Variants in PLA2G12A observed in about 807,000 individuals in gnomAD.
The protein encoded by PLA2G12A is group XIIA secretory phospholipase A2.
PLA2G12A carries 11 observed loss-of-function variants against 16.0 expected under a neutral mutation model. The observed-to-expected ratio is 0.69, with a 90% CI of 0.43 to 1.13. The LOEUF is 1.13. Ranked by LOEUF, PLA2G12A falls within the 50% of genes most tolerant of loss-of-function variation. PLA2G12A has a pLI of 0.00. For missense variants in PLA2G12A, 214 were observed against 237.3 expected (o/e 0.90, Z 0.65); for synonymous variants, 77 against 93.8 (o/e 0.82, Z 1.03).
At chr4:109,724,974 A>C (rs926096436) in intron 1 of PLA2G12A, among the ~76,000 whole-genome samples, 2 of 152,252 alleles carry the variant, frequency 1.3e-5, no homozygotes, top group African/African-American at 4.8e-5. Context: ...AGTTTTTTTC[A>C]AGGCAAACTC....
chr4:109,717,855 T>G lies in PLA2G12A; in HGVS notation c.286-142A>C, dbSNP rs1730855642. 3.9e-5 allele frequency: 33 copies of G among 852,840 alleles called. 3 individuals carry two copies. In the South Asian group the frequency reaches 5.8e-4, roughly 15 times the overall value. 52.8% of individuals were successfully genotyped at this position (852,840 alleles called of 1,614,324 possible). A position where few individuals can be genotyped will look rare whatever the true frequency, so the allele number is the denominator to read the frequency against. On this transcript the variant is annotated intron_variant, in intron 2 of 3. Transcript: ENST00000243501. ...AAATCCATTTCTGCCTACAAATATT[T>G]TCTGTGTTATAAATCTCCCCATTAC...
chr4:109,729,093 C>A (rs1203509294), intron 1 of PLA2G12A, among the ~76,000 whole-genome samples: 1 of 152,098 alleles, frequency 6.6e-6, no homozygotes, highest in Non-Finnish European at 1.5e-5. Flanking sequence ...TCTCAACACT[C>A]GAGTACACCA....
intron 1 of PLA2G12A, 22 bp downstream of exon 1, chr4:109,729,580 C>A (rs779732553): frequency 1.0e-4 from 160 of 1,600,084 alleles, no homozygotes; most frequent in Non-Finnish European, 5.8e-5. Context: ...CGAGCCCTCG[C>A]TGGGCCCGGG....
chr4:109,721,768 T>A (rs777735997), intron 1 of PLA2G12A, among the ~76,000 whole-genome samples: 1 of 152,216 alleles, frequency 6.6e-6, no homozygotes, highest in Non-Finnish European at 1.5e-5. Flanking sequence ...CTGTTTTCAG[T>A]TAACAGTAAT....
rs955398456 is a variant in PLA2G12A at position 109,729,944 on chromosome 4, C to G, written c.-135G>C. On this transcript the variant is annotated 5_prime_UTR_variant, in exon 1 of 4. Coordinates refer to ENST00000243501, the MANE Select transcript of PLA2G12A (RefSeq NM_030821.5). ...CAGCTCCATATCCACGCCTCCTTCC[C>G]GGCTGGCCCTCAGGATCTCGCTGTC... is the stretch of plus-strand genomic sequence containing the variant. 4.2e-6 allele frequency: 3 copies of G among 706,894 alleles called. No individual in the cohort carries two copies. The highest frequency in any genetic ancestry group is 3.1e-5 in the East Asian group (1 of 32,210). The allele number at this position is 706,894 out of a possible 1,614,324, so 43.8% of individuals were successfully genotyped here. A position where few individuals can be genotyped will look rare whatever the true frequency, so the allele number is the denominator to read the frequency against.
chr4:109,717,900 T>C (rs148151510), intron 2 of PLA2G12A, among the ~76,000 whole-genome samples, 187 bp from the exon 3 acceptor site: 247 of 152,290 alleles, frequency 1.6e-3, no homozygotes, highest in African/African-American at 5.7e-3. Flanking sequence ...TACCCACCCA[T>C]GTTACTCTCT....
At chr4:109,719,044 C>T (rs906851797) in intron 1 of PLA2G12A, among the ~76,000 whole-genome samples, 2 of 152,100 alleles carry the variant, frequency 1.3e-5, no homozygotes, top group Admixed American at 1.3e-4. Context: ...ACGAAACATA[C>T]AAAAGCTTAT....
intron 1 of PLA2G12A, among the ~76,000 whole-genome samples, chr4:109,728,934 C>G (rs2126169397): frequency 6.6e-6 from 1 of 152,312 alleles, no homozygotes; most frequent in African/African-American, 2.4e-5. Flanking sequence ...GATTAGTACT[C>G]ATACCGCCAC....
intron 1 of PLA2G12A, among the ~76,000 whole-genome samples, chr4:109,722,876 G>C (rs76568700): frequency 0.018 from 2,776 of 152,312 alleles, 37 homozygotes; most frequent in Non-Finnish European, 0.028. Flanking sequence ...ACAGTGCCTG[G>C]AATAACTTTG....
intron 3 of PLA2G12A, among the ~76,000 whole-genome samples, chr4:109,717,343 G>A (rs1014332483): frequency 3.9e-5 from 6 of 152,016 alleles, no homozygotes; most frequent in Admixed American, 3.3e-4. Flanking sequence ...ACTCTCCCAA[G>A]GTTTCCTAAT....
chr4:109,723,557 A>G lies in PLA2G12A; in HGVS notation c.209-4798T>C, dbSNP rs368697611. On this transcript the variant is annotated intron_variant, in intron 1 of 3. Coordinates refer to ENST00000243501, the MANE Select transcript of PLA2G12A (RefSeq NM_030821.5). ...ATCATGAGAAACTATACATTTATCT[A>G]TAGTTTTCTTTGCCCTAACACACTA... Among the ~76,000 whole-genome samples the G allele has an allele frequency of 1.4e-4, 22 of 152,336 alleles. No homozygotes were observed. In the East Asian group the frequency reaches 3.3e-3, roughly 23 times the overall value.
Position 109,714,166 on chromosome 4 carries a change from G to T in PLA2G12A, c.*211C>A. 1 of 549,336 alleles carries T rather than the reference G, an allele frequency of 1.8e-6. No individual in the cohort carries two copies. Among genetic ancestry groups the T allele is most frequent in the Non-Finnish European group, 3.3e-6 (1 of 305,656 alleles). 34.0% of individuals were successfully genotyped at this position (549,336 alleles called of 1,614,324 possible). A position where few individuals can be genotyped will look rare whatever the true frequency, so the allele number is the denominator to read the frequency against. On this transcript the variant is annotated 3_prime_UTR_variant, in exon 4 of 4. Transcript: ENST00000243501. ...CATACTAAGTAAGGGAGCAATGCTG[G>T]GGAAGATACCTGAGAAGACAAGCGT...
In PLA2G12A at chr4:109,710,764, C is replaced by A. The variant is rs1300780019; in HGVS notation, c.*3613G>T. On this transcript the variant is annotated 3_prime_UTR_variant, in exon 4 of 4. Transcript: ENST00000243501. ...TACAGGCTTGAACCACCATGCCCAG[C>A]CTCTAACAACTAATTTTAATAAGTA... 1 of 152,224 alleles carries A rather than the reference C, an allele frequency of 6.6e-6. No individual in the cohort carries two copies. The highest frequency in any genetic ancestry group is 1.5e-5 in the Non-Finnish European group (1 of 68,040). 9.4% of individuals were successfully genotyped at this position (152,224 alleles called of 1,614,324 possible). A position where few individuals can be genotyped will look rare whatever the true frequency, so the allele number is the denominator to read the frequency against.
At chr4:109,719,064 C>A (rs1055784719) in intron 1 of PLA2G12A, among the ~76,000 whole-genome samples, 4 of 152,190 alleles carry the variant, frequency 2.6e-5, no homozygotes, top group Admixed American at 2.6e-4. Context: ...TCCTGGACTT[C>A]TGGAGATTTC....
chr4:109,710,786 A>C lies in PLA2G12A; in HGVS notation c.*3591T>G, dbSNP rs1303668726. The C allele has an allele frequency of 3.3e-5, 5 of 152,236 alleles. No homozygotes were observed. The highest frequency in any genetic ancestry group is 1.2e-4 in the African/African-American group (5 of 41,470). 9.4% of individuals were successfully genotyped at this position (152,236 alleles called of 1,614,324 possible). On this transcript the variant is annotated 3_prime_UTR_variant, in exon 4 of 4. Transcript: ENST00000243501. ...CAGCCTCTAACAACTAATTTTAATA[A>C]GTATTACTGGACTAGTCTACAGGTT...
chr4:109,714,831 C>A (rs1274041661), intron 3 of PLA2G12A, among the ~76,000 whole-genome samples: 8 of 150,700 alleles, frequency 5.3e-5, no homozygotes, highest in Non-Finnish European at 4.4e-5. Context: ...ACATCCTGGG[C>A]TAAAGTAATC....
chr4:109,717,257 C>T (rs1436281030), intron 3 of PLA2G12A, among the ~76,000 whole-genome samples: 1 of 152,182 alleles, frequency 6.6e-6, no homozygotes, highest in African/African-American at 2.4e-5. Context: ...ACTTTAGGTT[C>T]TTACATGATG....
intron 3 of PLA2G12A, among the ~76,000 whole-genome samples, chr4:109,716,274 G>T (rs1379979654): frequency 6.6e-6 from 1 of 152,196 alleles, no homozygotes; most frequent in Non-Finnish European, 1.5e-5. Flanking sequence ...ACTATTTGGA[G>T]AATACTGTAT....
intron 1 of PLA2G12A, among the ~76,000 whole-genome samples, chr4:109,719,199 T>C (rs1004362204): frequency 2.6e-5 from 4 of 152,206 alleles, no homozygotes; most frequent in Non-Finnish European, 5.9e-5. Flanking sequence ...AAATGCTTCA[T>C]TGCATACAAA....
Sources: gnomAD v4.1 joint callset for allele counts (sites outside exome capture counted in the v4.1 genomes callset) on GRCh38, gnomAD v4.1.1 for gene constraint, MANE v1.5 for transcripts, NCBI Gene and HGNC (gene_info 2026-07-23, HGNC 2026-07-21) for gene names.